CACNA1I: variants seen among roughly 807,000 people sequenced by gnomAD.
CACNA1I encodes the protein calcium voltage-gated channel subunit alpha1 I.
CACNA1I carries 74 observed loss-of-function variants against 201.6 expected under a neutral mutation model. The observed-to-expected ratio is 0.37, with a 90% CI of 0.30 to 0.45. The LOEUF (loss-of-function observed/expected upper bound fraction) is 0.45. CACNA1I is among the 20% of genes least tolerant of loss of function. The probability of loss-of-function intolerance (pLI) is 1.00; values close to 1 mark genes in which losing one functional copy is unlikely to be tolerated. For missense variants in CACNA1I, 2,346 were observed against 3,138.1 expected (o/e 0.75, Z 6.03); for synonymous variants, 1,431 against 1,345.2 (o/e 1.06, Z -1.40).
chr22:39,677,846 T>G lies in CACNA1I; in HGVS notation c.4934-141T>G. 2.1e-6 allele frequency: 2 copies of G among 940,492 alleles called. No homozygotes were observed. Among genetic ancestry groups the G allele is most frequent in the Non-Finnish European group, 3.1e-6 (2 of 651,142 alleles). 58.3% of individuals were successfully genotyped at this position (940,492 alleles called of 1,614,324 possible). ...CATGTGCCATCTCCCCGAGCCTCAGTTTATCTGTGGGCTGGGCACAGTCTG... is the reference window on the plus strand; with the variant it reads ...CATGTGCCATCTCCCCGAGCCTCAGGTTATCTGTGGGCTGGGCACAGTCTG... On this transcript the variant is annotated intron_variant, in intron 30 of 36. Transcript: ENST00000402142. The surrounding 1 kb of genome is among the most constrained non-coding windows in gnomAD (Gnocchi z 4.8).
rs1266322426 is a variant in CACNA1I, at chr22:39,677,397, G to T, written c.4911G>T (p.Gly1637=). 6.3e-7 allele frequency: 1 copy of T among 1,591,170 alleles called. No homozygotes were observed. Residue 1637 remains glycine (G), a synonymous_variant, in exon 30 of 37, where the codon GGG becomes GGT. Coordinates refer to ENST00000402142, the MANE Select transcript of CACNA1I (RefSeq NM_021096.4). The surrounding 1 kb of genome is among the most constrained non-coding windows in gnomAD (Gnocchi z 4.8). Reference sequence around the variant, plus strand: ...TCTTCTTCATCTATGCTGCTCTCGGGGTGGAGCTCTTTGGGAAGCTGGGTG... The same window carrying T: ...TCTTCTTCATCTATGCTGCTCTCGGTGTGGAGCTCTTTGGGAAGCTGGGTG... ...MLLFFIYAAL[G]VELFGKLVCN... is the part of the protein sequence containing the mutation.
intron 11 of CACNA1I, 89 bp from the exon 12 acceptor site, chr22:39,658,842 G>C: frequency 8.8e-7 from 1 of 1,130,402 alleles, no homozygotes; most frequent in East Asian, 2.6e-5. Flanking sequence ...CTGTCTCTCT[G>C]TTTTCCCTTC....
chr22:39,661,320 T>C lies in CACNA1I; in HGVS notation c.2901+10T>C. 1 of 1,543,700 alleles carries C rather than the reference T, an allele frequency of 6.5e-7. No individual in the cohort carries two copies. Among genetic ancestry groups the C allele is most frequent in the East Asian group, 2.3e-5 (1 of 44,118 alleles). On this transcript the variant is annotated intron_variant, in intron 16 of 36. Coordinates refer to ENST00000402142, the MANE Select transcript of CACNA1I (RefSeq NM_021096.4). ...TGACCAGCGCTCCCTGGTGAGTCCT[T>C]GTGGGGAGCTCTGGACGGGCGCTTC...
chr22:39,671,032 G>A lies in CACNA1I; in HGVS notation c.4539+78G>A. 7.9e-6 allele frequency: 11 copies of A among 1,395,444 alleles called. No individual in the cohort carries two copies. The South Asian group carries it at 1.4e-4, about 17-fold the overall frequency. 86.4% of individuals were successfully genotyped at this position (1,395,444 alleles called of 1,614,324 possible). On this transcript the variant is annotated intron_variant, in intron 26 of 36. Transcript: ENST00000402142. Reference sequence around the variant, plus strand: ...CAGCAGGACCCCACCCCAGGGATAGGGTGGGGAAGGGGTTAGCTGATAGCA... The same window carrying A: ...CAGCAGGACCCCACCCCAGGGATAGAGTGGGGAAGGGGTTAGCTGATAGCA...
intron 17 of CACNA1I, 126 bp downstream of exon 17, chr22:39,662,561 G>T: frequency 1.3e-6 from 1 of 774,538 alleles, no homozygotes; most frequent in Non-Finnish European, 2.0e-6. Context: ...GGCCGGAGCG[G>T]CTAGGGCTTC....
chr22:39,674,086 G>A, intron 29 of CACNA1I, 53 bp downstream of exon 29: 1 of 1,550,936 alleles, frequency 6.4e-7, no homozygotes, highest in East Asian at 2.3e-5. Flanking sequence ...TGTCAGGCTG[G>A]GCCCTGGGGC....
chr22:39,686,208 C>T lies in CACNA1I; in HGVS notation c.6475C>T (p.Leu2159=). The T allele has an allele frequency of 8.0e-7, 1 of 1,257,150 alleles. No homozygotes were observed. Among genetic ancestry groups the T allele is most frequent in the South Asian group, 2.9e-5 (1 of 34,372 alleles). 77.9% of individuals were successfully genotyped at this position (1,257,150 alleles called of 1,614,324 possible). Residue 2159 remains leucine (L), a synonymous_variant, in exon 37 of 37, where the codon CTG becomes TTG. Coordinates refer to ENST00000402142, the MANE Select transcript of CACNA1I (RefSeq NM_021096.4). ...CAGGAAGTTCAGCAGCACCAGCAGC[C>T]TGGCCGCCCCCGGCCGCCCCCACGC... is the stretch of plus-strand genomic sequence containing the variant. ...PARKFSSTSS[L]AAPGRPHAAA... is the part of the protein sequence containing the mutation.
In CACNA1I at chr22:39,688,786, G is replaced by T. The variant is rs1935955967; in HGVS notation, c.*2381G>T. On this transcript the variant is annotated 3_prime_UTR_variant, in exon 37 of 37. Transcript: ENST00000402142. This position sits in a 1 kb window ranked among gnomAD's most constrained non-coding sequence, Gnocchi z 4.8. ...AGACACCTCGAGGCAGGTGTTCTAG[G>T]CAAAGGGATGGGCATGAGCGAAGGC... 1.3e-5 allele frequency: 2 copies of T among 152,430 alleles called. No homozygotes were observed. The highest frequency in any genetic ancestry group is 4.8e-5 in the African/African-American group (2 of 41,464). 9.4% of individuals were successfully genotyped at this position (152,430 alleles called of 1,614,324 possible). A position where few individuals can be genotyped will look rare whatever the true frequency, so the allele number is the denominator to read the frequency against.
intron 1 of CACNA1I, among the ~76,000 whole-genome samples, chr22:39,591,426 T>C (rs1031924074): frequency 1.3e-5 from 2 of 151,946 alleles, no homozygotes; most frequent in Non-Finnish European, 2.9e-5. Context: ...CCTCCCAAAG[T>C]GCTGGGATTA....
chr22:39,624,688 G>A (rs1261336270), intron 4 of CACNA1I, among the ~76,000 whole-genome samples: 1 of 152,182 alleles, frequency 6.6e-6, no homozygotes, highest in African/African-American at 2.4e-5. Flanking sequence ...CTCATTTCGC[G>A]GGACAGACAG....
In CACNA1I at chr22:39,688,076, G is replaced by C. The variant is rs1321912513; in HGVS notation, c.*1671G>C. The C allele has an allele frequency of 6.6e-6, 1 of 152,172 alleles. No homozygotes were observed. Among genetic ancestry groups the C allele is most frequent in the Non-Finnish European group, 1.5e-5 (1 of 68,038 alleles). The allele number at this position is 152,172 out of a possible 1,614,324, so 9.4% of individuals were successfully genotyped here. A position where few individuals can be genotyped will look rare whatever the true frequency, so the allele number is the denominator to read the frequency against. On this transcript the variant is annotated 3_prime_UTR_variant, in exon 37 of 37. Coordinates refer to ENST00000402142, the MANE Select transcript of CACNA1I (RefSeq NM_021096.4). The surrounding 1 kb of genome is among the most constrained non-coding windows in gnomAD (Gnocchi z 4.8). ...GTGGCCGGGCTGGTGAGGGTGTGGG[G>C]TGCGCCCTTCCCTTTTGGGCTGAGG...
At chr22:39,646,490 T>C in intron 7 of CACNA1I, 79 bp from the exon 8 acceptor site, 1 of 1,476,576 alleles carries the variant, frequency 6.8e-7, no homozygotes, top group Non-Finnish European at 9.0e-7. Flanking sequence ...CTGTCCCCAC[T>C]CCATGACTCT....
rs184941521 is a variant in CACNA1I, at chr22:39,588,425, G to A, written c.237-9726G>A. 5.9e-3 allele frequency among the ~76,000 whole-genome samples: 720 copies of A among 122,442 alleles called. 4 individuals are homozygous for A. The highest frequency in any genetic ancestry group is 6.9e-3 in the Non-Finnish European group (419 of 60,620). 80.3% of individuals were successfully genotyped at this position (122,442 alleles called of 152,430 possible). On this transcript the variant is annotated intron_variant, in intron 1 of 36. Transcript: ENST00000402142. The stretch of plus-strand genomic sequence containing the variant: ...TTTTGAGGCAGAGTCTCACTCTGTC[G>A]CCCAGGCTGGAGTGCAGTGGCGTGA...
At chr22:39,673,377 T>G (rs1245595861) in intron 28 of CACNA1I, among the ~76,000 whole-genome samples, 1 of 152,124 alleles carries the variant, frequency 6.6e-6, no homozygotes, top group Non-Finnish European at 1.5e-5. Flanking sequence ...GGGTCCAGTC[T>G]CAGAGTGTGA....
Position 39,641,023 on chromosome 22 carries a change from C to T in CACNA1I, c.897C>T (p.Asp299=), listed in dbSNP as rs371381957. The change falls in exon 6 of 37, where the codon GAC becomes GAT. Residue 299 remains aspartate (D), a synonymous_variant. Transcript: ENST00000402142. ...GTGAGTGCTGCCTGTCCAAGGACGACGTCTACGACTTTGGGGCGGGGCGCC... is the reference window on the plus strand; with the variant it reads ...GTGAGTGCTGCCTGTCCAAGGACGATGTCTACGACTTTGGGGCGGGGCGCC... ...QGRECCLSKD[D]VYDFGAGRQD... The T allele has an allele frequency of 6.9e-5, 111 of 1,613,926 alleles. No homozygotes were observed. Among genetic ancestry groups the T allele is most frequent in the Non-Finnish European group, 8.2e-5 (97 of 1,179,914 alleles).
Position 39,679,739 on chromosome 22 carries a change from C to T in CACNA1I, c.5412C>T (p.Asp1804=), listed in dbSNP as rs1234610796. Residue 1804 remains aspartate, a synonymous_variant, in exon 33 of 37, where the codon GAC becomes GAT. Transcript: ENST00000402142. The part of the protein sequence containing the change: ...YSPAQENLWL[D]SVSLIIKDSL... ...CCGCCTAGGAGAACCTGTGGCTGGA[C>T]AGCGTCTCTTTAATCATCAAGGACT... is the stretch of plus-strand genomic sequence containing the variant. The T allele has an allele frequency of 6.2e-7, 1 of 1,612,172 alleles. No homozygotes were observed. Among genetic ancestry groups the T allele is most frequent in the African/African-American group, 1.3e-5 (1 of 74,884 alleles).
At position 39,684,708 on chromosome 22, in the gene CACNA1I, T is replaced by G; in HGVS notation, c.6027+210T>G. On this transcript the variant is annotated intron_variant, in intron 36 of 36. Coordinates refer to ENST00000402142, the MANE Select transcript of CACNA1I (RefSeq NM_021096.4). This position sits in a 1 kb window ranked among gnomAD's most constrained non-coding sequence, Gnocchi z 4.6. ...GGATGGAGTGGGCGGGGCTGGGTCCTGGGGACAGCAGAGTGTGGGGAGGAC... is the reference window on the plus strand; with the variant it reads ...GGATGGAGTGGGCGGGGCTGGGTCCGGGGGACAGCAGAGTGTGGGGAGGAC... The G allele has an allele frequency of 4.9e-6, 3 of 614,486 alleles. No homozygotes were observed. Among genetic ancestry groups the G allele is most frequent in the Non-Finnish European group, 5.7e-6 (2 of 348,428 alleles). The allele number at this position is 614,486 out of a possible 1,614,324, so 38.1% of individuals were successfully genotyped here. A position where few individuals can be genotyped will look rare whatever the true frequency, so the allele number is the denominator to read the frequency against.
chr22:39,660,003 T>C (rs1489930581), intron 14 of CACNA1I, among the ~76,000 whole-genome samples, 151 bp downstream of exon 14: 2 of 151,990 alleles, frequency 1.3e-5, no homozygotes, highest in African/African-American at 2.4e-5. Flanking sequence ...GGTGGTGAGC[T>C]CTTCATCATA....
chr22:39,635,952 C>A (rs1327209728), intron 5 of CACNA1I, among the ~76,000 whole-genome samples: 2 of 151,852 alleles, frequency 1.3e-5, no homozygotes, highest in Non-Finnish European at 2.9e-5. Context: ...TCTCTGAAAT[C>A]ATCTCCTGTC....
Sources: allele counts gnomAD v4.1 joint callset (sites outside exome capture counted in the v4.1 genomes callset), GRCh38; gene constraint gnomAD v4.1.1; non-coding constraint Gnocchi (gnomAD v3.1); transcripts MANE v1.5; gene names NCBI Gene and HGNC (gene_info 2026-07-23, HGNC 2026-07-21).